LRP2: variants seen among roughly 807,000 people sequenced by gnomAD.
LRP2 encodes the protein LDL receptor related protein 2, also known as low-density lipoprotein receptor-related protein 2.
LRP2 carries 172 observed loss-of-function variants against 531.0 expected under a neutral mutation model. That is an observed-to-expected ratio of 0.32 (90% CI 0.29 to 0.37). The LOEUF (loss-of-function observed/expected upper bound fraction) is 0.37. Among genes scored for constraint, LRP2 ranks in the 10% least tolerant of loss-of-function variants. The pLI, the probability that LRP2 is intolerant of heterozygous loss-of-function variation, is 1.00. For synonymous variants in LRP2, 1,992 were observed against 2,027.6 expected (o/e 0.98, Z 0.47); for missense variants, 5,167 against 5,868.3 (o/e 0.88, Z 3.90).
At chr2:169,236,435 G>A (rs1277172359) in intron 28 of LRP2, among the ~76,000 whole-genome samples, 1 of 152,160 alleles carries the variant, frequency 6.6e-6, no homozygotes, top group Non-Finnish European at 1.5e-5. Flanking sequence ...TTTAGATAAG[G>A]AAATCAATTT....
Position 169,139,237 on chromosome 2 carries a change from A to G in LRP2, c.13388+14T>C, listed in dbSNP as rs781687435. The G allele has an allele frequency of 7.4e-6, 12 of 1,614,158 alleles. No individual in the cohort carries two copies. Among genetic ancestry groups the G allele is most frequent in the Non-Finnish European group, 1.0e-5 (12 of 1,179,982 alleles). ...TAGGCTTCAAACATCAACGTTCCCC[A>G]TAATGAAACTGACCTTGGCAGCTTG... is the stretch of plus-strand genomic sequence containing the variant. On this transcript the variant is annotated intron_variant, in intron 74 of 78. Coordinates refer to ENST00000649046, the MANE Select transcript of LRP2 (RefSeq NM_004525.3).
chr2:169,218,928 C>A (rs150795325), intron 34 of LRP2, among the ~76,000 whole-genome samples: 27 of 152,234 alleles, frequency 1.8e-4, no homozygotes, highest in Middle Eastern at 3.4e-3. Flanking sequence ...ACCCCACTGC[C>A]CATATAAAAG....
intron 45 of LRP2, 87 bp from the exon 46 acceptor site, chr2:169,197,117 A>G: frequency 1.3e-6 from 2 of 1,505,574 alleles, no homozygotes; most frequent in Non-Finnish European, 1.8e-6. Flanking sequence ...TCTCTGAGCT[A>G]GATAATAGTT....
intron 37 of LRP2, among the ~76,000 whole-genome samples, chr2:169,211,023 G>C (rs1017136848): frequency 6.6e-6 from 1 of 152,038 alleles, no homozygotes; most frequent in Non-Finnish European, 1.5e-5. Flanking sequence ...TTAATGAAAA[G>C]CTGGGAGAAA....
intron 34 of LRP2, among the ~76,000 whole-genome samples, chr2:169,218,250 A>G (rs1402681365): frequency 6.6e-6 from 1 of 152,076 alleles, no homozygotes; most frequent in South Asian, 2.1e-4. Context: ...GCTCTTAGTC[A>G]CTTGAACAAA....
At chr2:169,166,581 T>C (rs1686792895) in intron 61 of LRP2, among the ~76,000 whole-genome samples, 1 of 152,228 alleles carries the variant, frequency 6.6e-6, no homozygotes, top group Non-Finnish European at 1.5e-5. Context: ...GCAGTTGTCA[T>C]AGAGTCTCTA....
intron 3 of LRP2, among the ~76,000 whole-genome samples, chr2:169,311,410 C>A (rs528272870): frequency 6.6e-6 from 1 of 152,192 alleles, no homozygotes; most frequent in Non-Finnish European, 1.5e-5. Flanking sequence ...TCTTTGTTCT[C>A]ATTGGTTTCA....
chr2:169,174,020 C>A lies in LRP2; in HGVS notation c.10913G>T (p.Gly3638Val). The change falls in exon 56 of 79, where the codon GGC becomes GTC. Residue 3638 changes from glycine to valine, a missense_variant. By Grantham distance (109) the Gly-to-Val change is moderately radical. Transcript: ENST00000649046. Reference protein sequence around the residue: ...SHCASRTCRPGQFRCANGRCI... With the variant: ...SHCASRTCRPVQFRCANGRCI... ...GCGGCCATTAGCACACCGAAACTGG[C>A]CCGGCCGGCAGGTCCTGCTGGCACA... 6.2e-7 allele frequency: 1 copy of A among 1,614,248 alleles called. No individual in the cohort carries two copies. The highest frequency in any genetic ancestry group is 8.5e-7 in the Non-Finnish European group (1 of 1,180,042).
chr2:169,150,775 T>C, intron 68 of LRP2, 123 bp downstream of exon 68: 1 of 1,126,280 alleles, frequency 8.9e-7, no homozygotes, highest in Non-Finnish European at 1.3e-6. Flanking sequence ...TCATAGACGC[T>C]ACTCCCAAAA....
chr2:169,337,000 A>G (rs759885288), intron 1 of LRP2, among the ~76,000 whole-genome samples: 4 of 152,304 alleles, frequency 2.6e-5, no homozygotes, highest in Non-Finnish European at 5.9e-5. Context: ...TCCAGGAATG[A>G]GACGATTAGA....
rs1358532875 is a variant in LRP2, at chr2:169,290,935, G to A, written c.832C>T (p.Arg278Ter). 5 of 1,613,940 alleles carry A rather than the reference G, an allele frequency of 3.1e-6. No individual in the cohort carries two copies. Among genetic ancestry groups the A allele is most frequent in the Non-Finnish European group, 4.2e-6 (5 of 1,179,956 alleles). The change falls in exon 8 of 79, where the codon CGA becomes TGA. Residue 278 changes from arginine to a stop codon, truncating the protein, a stop_gained. Transcript: ENST00000649046. LOFTEE classifies it high-confidence loss of function. ...CAAACTTTATAAATGGAGATGCATCGTCCCGACTCTGGGCAAGACCATTCT... is the reference window on the plus strand; with the variant it reads ...CAAACTTTATAAATGGAGATGCATCATCCCGACTCTGGGCAAGACCATTCT... The part of the protein sequence containing the change: ...PREWSCPESG[R>*]CISIYKVCDG...
chr2:169,302,966 G>A (rs1431188841), intron 4 of LRP2, among the ~76,000 whole-genome samples: 1 of 151,986 alleles, frequency 6.6e-6, no homozygotes, highest in African/African-American at 2.4e-5. Context: ...TAATTTTTAG[G>A]TGTGATAATG....
rs867941074 is a variant in LRP2, at chr2:169,233,510, G to C, written c.4999C>G (p.Arg1667Gly). The C allele has an allele frequency of 2.5e-6, 4 of 1,613,894 alleles. No homozygotes were observed. The highest frequency in any genetic ancestry group is 1.7e-5 in the Admixed American group (1 of 59,996). The change falls in exon 30 of 79, where the codon CGA becomes GGA. Residue 1667 changes from arginine to glycine, a missense_variant. Physicochemically the swap from Arg to Gly is moderately radical, Grantham distance 125 (BLOSUM62 -2). This residue lies in a region of LRP2 where 2,811 missense variants were observed against 3,058.0 expected (regional missense o/e 0.92). Coordinates refer to ENST00000649046, the MANE Select transcript of LRP2 (RefSeq NM_004525.3). ...TTCCCTCCATGCCACTTGTTGGCTC[G>C]CATAACCCGACGAGTAGCACGGTCA... ...WTDRATRRVM[R>G]ANKWHGGNQS...
chr2:169,356,797 A>G (rs1686000588), intron 1 of LRP2, among the ~76,000 whole-genome samples: 1 of 152,244 alleles, frequency 6.6e-6, no homozygotes, highest in South Asian at 2.1e-4. Context: ...TCGGATGCTG[A>G]AACATCTCCA....
intron 4 of LRP2, among the ~76,000 whole-genome samples, chr2:169,305,780 C>G (rs1017114082): frequency 1.3e-5 from 2 of 152,148 alleles, no homozygotes; most frequent in Admixed American, 6.5e-5. Context: ...CTACAGTGGT[C>G]CCCTAAGATT....
intron 16 of LRP2, among the ~76,000 whole-genome samples, chr2:169,264,275 A>T (rs35994058): frequency 0.24 from 37,097 of 151,696 alleles, 4,750 homozygotes; most frequent in South Asian, 0.32. Flanking sequence ...TAAAAAAATT[A>T]AAAAAAGGTA....
At chr2:169,286,306 T>A (rs534965492) in intron 9 of LRP2, among the ~76,000 whole-genome samples, 1 of 152,318 alleles carries the variant, frequency 6.6e-6, no homozygotes, top group East Asian at 1.9e-4. Flanking sequence ...TGAGGTTGTC[T>A]GTACTAAAGT....
In LRP2 at chr2:169,128,415, A is replaced by G. The variant is rs539617507; in HGVS notation, c.*248T>C. On this transcript the variant is annotated 3_prime_UTR_variant, in exon 79 of 79. Transcript: ENST00000649046. ...TCTTTCCAAAATTTACAAATATACA[A>G]TATATTTATAGTATTACCTTCAGAC... The G allele has an allele frequency of 2.7e-6, 1 of 375,772 alleles. No individual in the cohort carries two copies. Among genetic ancestry groups the G allele is most frequent in the African/African-American group, 2.1e-5 (1 of 48,282 alleles). 23.3% of individuals were successfully genotyped at this position (375,772 alleles called of 1,614,324 possible).
At chr2:169,223,591 C>G (rs1198693453) in intron 33 of LRP2, among the ~76,000 whole-genome samples, 1 of 152,058 alleles carries the variant, frequency 6.6e-6, no homozygotes, top group Non-Finnish European at 1.5e-5. Flanking sequence ...GAGGGTTAAA[C>G]CAGTCTGGAT....
Sources: gnomAD v4.1 joint callset for allele counts (sites outside exome capture counted in the v4.1 genomes callset) on GRCh38, gnomAD v4.1.1 for gene constraint, gnomAD v4.1.1 regional missense constraint, MANE v1.5 for transcripts, NCBI Gene and HGNC (gene_info 2026-07-23, HGNC 2026-07-21) for gene names.